Variants in ZNF518B observed in about 807,000 individuals in gnomAD.
ZNF518B encodes zinc finger protein 518B.
In ZNF518B, 23 loss-of-function variants were observed where a neutral mutation model predicts 56.3. That is an observed-to-expected ratio of 0.41 (90% CI 0.29 to 0.58). The LOEUF is 0.58. Among genes scored for constraint, ZNF518B ranks in the 20% least tolerant of loss-of-function variants. The pLI is 0.32. For missense variants in ZNF518B, 1,460 were observed against 1,272.1 expected, an observed-to-expected ratio of 1.15 and a Z score of -2.25; for synonymous variants, 529 against 465.9, an observed-to-expected ratio of 1.14 and a Z score of -1.74.
At chr4:10,457,913 G>C (rs1260950682), upstream of ZNF518B, among the ~76,000 whole-genome samples, 1 of 152,224 alleles carries the variant, frequency 6.6e-6, no homozygotes, top group Non-Finnish European at 1.5e-5. Context: ...ACCTTGGCGA[G>C]AAAGTCCCCT....
chr4:10,458,254 C>G (rs776860358), upstream of ZNF518B, among the ~76,000 whole-genome samples: 1 of 152,084 alleles, frequency 6.6e-6, no homozygotes, highest in Non-Finnish European at 1.5e-5. Context: ...AGCTCTCCAG[C>G]AGGGGCAGGT....
At chr4:10,453,789 T>C (rs1401904734) in intron 2 of ZNF518B, 1 of 152,190 alleles carries the variant, frequency 6.6e-6, no homozygotes, top group African/African-American at 2.4e-5. Context: ...AATAAAACAG[T>C]ATAATCAAGC....
At position 10,440,548 on chromosome 4, in the gene ZNF518B, TC is replaced by T. The variant is rs1714627027; in HGVS notation, c.*2555del. On this transcript the variant is annotated 3_prime_UTR_variant, in exon 3 of 3. Transcript: ENST00000326756. ...CATGTACCTACAGGTTAAGCTATCT[TC>T]TAAAGCTCTTTAGGGAGGACAGCTA... The T allele has an allele frequency of 6.6e-6, 1 of 152,626 alleles. No homozygotes were observed. Among genetic ancestry groups the T allele is most frequent in the Non-Finnish European group, 1.5e-5 (1 of 68,034 alleles). 9.5% of individuals were successfully genotyped at this position (152,626 alleles called of 1,614,324 possible).
At chr4:10,453,848 A>G (rs1715423750) in intron 2 of ZNF518B, 1 of 152,256 alleles carries the variant, frequency 6.6e-6, no homozygotes, top group South Asian at 2.1e-4. Context: ...CCTTGGTTGC[A>G]TTAGGGCAAT....
At chr4:10,459,688 A>G (rs1715684131), upstream of ZNF518B, among the ~76,000 whole-genome samples, 1 of 152,178 alleles carries the variant, frequency 6.6e-6, no homozygotes. Context: ...ATGGAGACAC[A>G]CAGGGAGAAG....
rs779360142 is a variant in ZNF518B, at chr4:10,443,758, G to A, written c.2571C>T (p.Ile857=). 6.2e-7 allele frequency: 1 copy of A among 1,614,160 alleles called. No homozygotes were observed. The highest frequency in any genetic ancestry group is 8.5e-7 in the Non-Finnish European group (1 of 1,180,026). ...LRKESAVCST[I]HRKTGLLYGQ... ...CATACAAGAGGCCAGTTTTTCTATG[G>A]ATGGTGCTACAGACAGCACTCTCTT... Residue 857 remains isoleucine (I), a synonymous_variant, in exon 3 of 3, where the codon ATC becomes ATT. Transcript: ENST00000326756.
At position 10,439,936 on chromosome 4, in the gene ZNF518B, G is replaced by A. The variant is rs959307689; in HGVS notation, c.*3168C>T. 5.2e-5 allele frequency: 8 copies of A among 152,582 alleles called. No individual in the cohort carries two copies. Among genetic ancestry groups the A allele is most frequent in the East Asian group, 1.9e-4 (1 of 5,196 alleles). 9.5% of individuals were successfully genotyped at this position (152,582 alleles called of 1,614,324 possible). The stretch of plus-strand genomic sequence containing the variant: ...TTTAACAAAATTTATGCCAACTCCT[G>A]TATCTATATACAAACATGTTTCAAA... On this transcript the variant is annotated 3_prime_UTR_variant, in exon 3 of 3. Transcript: ENST00000326756.
chr4:10,444,069 T>C lies in ZNF518B; in HGVS notation c.2260A>G (p.Arg754Gly). 2 of 1,614,240 alleles carry C rather than the reference T, an allele frequency of 1.2e-6. No homozygotes were observed. Among genetic ancestry groups the C allele is most frequent in the Non-Finnish European group, 8.5e-7 (1 of 1,180,038 alleles). ...IYPHFADGSN[R>G]KTKSRVARKA... ...CTGGCCACTCTGCTTTTGGTTTTCC[T>C]ATTACTGCCATCTGCAAAGTGTGGA... Residue 754 changes from arginine (R) to glycine (G), a missense_variant, in exon 3 of 3, where the codon AGG (arginine) becomes GGG (glycine). Transcript: ENST00000326756.
rs895383852 is a variant in ZNF518B, at chr4:10,457,426, C to T, written c.-505G>A. On this transcript the variant is annotated 5_prime_UTR_variant, in exon 1 of 3. Coordinates refer to ENST00000326756, the MANE Select transcript of ZNF518B (RefSeq NM_053042.3). ...AGGTCCCTACCCGGGGGGCGGAGCC[C>T]GCGCCAGCCCCGCGCGTGCGCAATG... 1.3e-5 allele frequency: 2 copies of T among 151,832 alleles called. No individual in the cohort carries two copies. The highest frequency in any genetic ancestry group is 4.1e-4 in the South Asian group (2 of 4,830). The allele number at this position is 151,832 out of a possible 1,614,324, so 9.4% of individuals were successfully genotyped here.
Position 10,443,139 on chromosome 4 carries a change from T to C in ZNF518B, c.3190A>G (p.Arg1064Gly). ...HGQRHLIEAT[R>G]DWDVLSSKGK ...TTGGAGGAAAGAACATCCCAATCTC[T>C]AGTTGCTTCTATCAAATGCCGTTGG... is the stretch of plus-strand genomic sequence containing the variant. The change falls in exon 3 of 3, where the codon AGA (arginine) becomes GGA (glycine). Residue 1064 changes from arginine to glycine, a missense_variant. Physicochemically the swap from Arg to Gly is moderately radical, Grantham distance 125. Transcript: ENST00000326756. 2 of 1,614,076 alleles carry C rather than the reference T, an allele frequency of 1.2e-6. No individual in the cohort carries two copies. The highest frequency in any genetic ancestry group is 1.7e-6 in the Non-Finnish European group (2 of 1,179,970).
At position 10,446,431 on chromosome 4, in the gene ZNF518B, G is replaced by T; in HGVS notation, c.-103C>A. 1 of 1,098,646 alleles carries T rather than the reference G, an allele frequency of 9.1e-7. No homozygotes were observed. The highest frequency in any genetic ancestry group is 1.3e-6 in the Non-Finnish European group (1 of 754,252). 68.1% of individuals were successfully genotyped at this position (1,098,646 alleles called of 1,614,324 possible). A position where few individuals can be genotyped will look rare whatever the true frequency, so the allele number is the denominator to read the frequency against. On this transcript the variant is annotated 5_prime_UTR_variant, in exon 3 of 3. The change creates a premature stop within an existing upstream ORF in the 5' untranslated region. Coordinates refer to ENST00000326756, the MANE Select transcript of ZNF518B (RefSeq NM_053042.3). The stretch of plus-strand genomic sequence containing the variant: ...TATACAGTTTGTGATGGGTAGGGGC[G>T]CAGCTACTTCTTGGGTGCATACTTA...
Position 10,446,086 on chromosome 4 carries a change from G to C in ZNF518B, c.243C>G (p.Asp81Glu), listed in dbSNP as rs779129693. ...LQDLQKGTGK[D>E]GMYVCFQCSL... is the part of the protein sequence containing the mutation. Reference sequence around the variant, plus strand: ...TGCACTGGAAGCAGACATACATACCGTCCTTCCCTGTACCCTTCTGCAAAT... The same window carrying C: ...TGCACTGGAAGCAGACATACATACCCTCCTTCCCTGTACCCTTCTGCAAAT... Residue 81 changes from aspartate to glutamate, a missense_variant, in exon 3 of 3, where the codon GAC becomes GAG. Coordinates refer to ENST00000326756, the MANE Select transcript of ZNF518B (RefSeq NM_053042.3). 6.2e-7 allele frequency: 1 copy of C among 1,614,130 alleles called. No homozygotes were observed. The highest frequency in any genetic ancestry group is 1.3e-5 in the African/African-American group (1 of 75,034).
At position 10,444,539 on chromosome 4, in the gene ZNF518B, TACTC is replaced by T. The variant is rs1384924395; in HGVS notation, c.1786_1789del (p.Glu596IlefsTer4). The T allele has an allele frequency of 6.2e-7, 1 of 1,614,174 alleles. No individual in the cohort carries two copies. The highest frequency in any genetic ancestry group is 1.7e-5 in the Admixed American group (1 of 60,030). On this transcript the variant is annotated frameshift_variant, in exon 3 of 3. Coordinates refer to ENST00000326756, the MANE Select transcript of ZNF518B (RefSeq NM_053042.3). LOFTEE classifies it high-confidence loss of function. ...TTCTCCAGTTATGTTTATATGTAAA[TACTC>T]ACTCTTATGTTGAGAGGAAATCTGG...
At chr4:10,450,452 T>C (rs964930335) in intron 2 of ZNF518B, among the ~76,000 whole-genome samples, 1 of 152,196 alleles carries the variant, frequency 6.6e-6, no homozygotes, top group Non-Finnish European at 1.5e-5. Context: ...GCATCTCAGA[T>C]GTAATACTCC....
upstream of ZNF518B, among the ~76,000 whole-genome samples, chr4:10,460,306 AAAAAAAAAAAAAAAAAACC>A (rs1207231556): frequency 2.0e-4 from 17 of 84,504 alleles, no homozygotes; most frequent in South Asian, 2.7e-3. Flanking sequence ...CTCTGTCTCA[AAAAAAAAAAAAAAAAAACC>A]AAAAAAAAAA....
Position 10,440,298 on chromosome 4 carries a change from T to C in ZNF518B, c.*2806A>G, listed in dbSNP as rs2108978702. On this transcript the variant is annotated 3_prime_UTR_variant, in exon 3 of 3. Coordinates refer to ENST00000326756, the MANE Select transcript of ZNF518B (RefSeq NM_053042.3). ...TATACTTTGGGTCAGGTTTTTTTTTTTTAACTTTTACTGTATTTGCCTATA... is the reference window on the plus strand; with the variant it reads ...TATACTTTGGGTCAGGTTTTTTTTTCTTAACTTTTACTGTATTTGCCTATA... The C allele has an allele frequency of 6.6e-6, 1 of 152,514 alleles. No individual in the cohort carries two copies. Among genetic ancestry groups the C allele is most frequent in the Non-Finnish European group, 1.5e-5 (1 of 67,984 alleles). 9.4% of individuals were successfully genotyped at this position (152,514 alleles called of 1,614,324 possible).
At chr4:10,460,316 AAAAAAAACC>A (rs60337169), upstream of ZNF518B, among the ~76,000 whole-genome samples, 9,902 of 102,646 alleles carry the variant, frequency 0.096, 2,263 homozygotes, top group African/African-American at 0.39. Context: ...AAAAAAAAAA[AAAAAAAACC>A]AAAAAAAAAA....
At chr4:10,453,214 G>T (rs139036143) in intron 2 of ZNF518B, 1 of 152,262 alleles carries the variant, frequency 6.6e-6, no homozygotes, top group South Asian at 2.1e-4. Flanking sequence ...GCTTGGCAAA[G>T]AGTAGATGTT....
intron 1 of ZNF518B, among the ~76,000 whole-genome samples, chr4:10,455,665 T>C (rs1043499154): frequency 6.6e-6 from 1 of 152,200 alleles, no homozygotes; most frequent in Non-Finnish European, 1.5e-5. Flanking sequence ...TCGGGTATAA[T>C]ACATCAGAAA....
Sources: gnomAD v4.1 joint callset for allele counts (sites outside exome capture counted in the v4.1 genomes callset) on GRCh38, gnomAD v4.1.1 for gene constraint, MANE v1.5 for transcripts, NCBI Gene and HGNC (gene_info 2026-07-23, HGNC 2026-07-21) for gene names.